Variants in MYBPC1 observed in about 807,000 individuals in gnomAD.
The protein encoded by MYBPC1 is myosin-binding protein C, slow-type.
In MYBPC1, 52 loss-of-function variants were observed where a neutral mutation model predicts 147.1. The observed-to-expected ratio is 0.35, with a 90% CI of 0.28 to 0.45. The LOEUF is 0.45. Ranked by LOEUF, MYBPC1 falls within the 20% of genes least tolerant of loss-of-function variation. The pLI is 1.00. For synonymous variants in MYBPC1, 477 were observed against 475.9 expected (o/e 1.00, Z -0.03); for missense variants, 1,228 against 1,440.3 (o/e 0.85, Z 2.39).
chr12:101,626,825 G>GA (rs1451919462), intron 3 of MYBPC1, 47 bp from the exon 4 acceptor site: 10 of 1,477,670 alleles, frequency 6.8e-6, no homozygotes, highest in Non-Finnish European at 9.5e-6. Context: ...GGTTACTTGG[G>GA]ATGAAGTCTT....
At chr12:101,693,482 T>C in the MYBPC1 span, among the ~76,000 whole-genome samples, 1 of 152,176 alleles carries the variant, frequency 6.6e-6, no homozygotes, top group Non-Finnish European at 1.5e-5. Context: ...GGCTCACACC[T>C]GTAGTCCCAG....
chr12:101,611,616 T>C (rs1269160037), intron 1 of MYBPC1, among the ~76,000 whole-genome samples: 1 of 152,162 alleles, frequency 6.6e-6, no homozygotes, highest in Non-Finnish European at 1.5e-5. Context: ...TAAAATGAGA[T>C]ACCAGGGAGA....
chr12:101,691,786 A>C, the MYBPC1 span, among the ~76,000 whole-genome samples: 1 of 152,148 alleles, frequency 6.6e-6, no homozygotes, highest in Non-Finnish European at 1.5e-5. Flanking sequence ...TAAAATACAT[A>C]TTTTTTAAAT....
intron 1 of MYBPC1, among the ~76,000 whole-genome samples, chr12:101,596,769 C>T (rs1877408926): frequency 6.9e-6 from 1 of 145,664 alleles, no homozygotes. Context: ...TCAGCCCCCA[C>T]CCCCCCAATA....
chr12:101,665,294 T>C (rs1369276568), intron 22 of MYBPC1, among the ~76,000 whole-genome samples: 1 of 152,196 alleles, frequency 6.6e-6, no homozygotes, highest in African/African-American at 2.4e-5. Context: ...GTGTATCTCT[T>C]TCTTCTTGCA....
rs1330333145 is a variant in MYBPC1, at chr12:101,670,351, T to G, written c.2555T>G (p.Leu852Arg). Residue 852 changes from leucine (L) to arginine (R), a missense_variant, in exon 24 of 32, where the codon CTG becomes CGG. Around this residue, in one of 2 missense-constraint regions of MYBPC1, gnomAD observed 1,077 missense variants for 1,314.2 expected, o/e 0.82. Coordinates refer to ENST00000361466, the MANE Select transcript of MYBPC1 (RefSeq NM_002465.4). ...EPPKIRIPRHLKQTYIRRVGE... is the reference protein window; with the variant it reads ...EPPKIRIPRHRKQTYIRRVGE... ...CCAAAGATTCGCATTCCAAGACACC[T>G]GAAGCAAACCTATATCCGCAGAGTT... The G allele has an allele frequency of 3.7e-6, 6 of 1,614,132 alleles. No individual in the cohort carries two copies. In the Admixed American group the frequency reaches 1.0e-4, roughly 27 times the overall value.
At chr12:101,654,624 A>C (rs1251670079) in intron 18 of MYBPC1, among the ~76,000 whole-genome samples, 2 of 152,204 alleles carry the variant, frequency 1.3e-5, no homozygotes, top group South Asian at 2.1e-4. Flanking sequence ...GGAGCTCTGC[A>C]GAGGAACACG....
intron 15 of MYBPC1, chr12:101,650,781 C>T (rs1894277373): frequency 4.4e-6 from 1 of 229,782 alleles, no homozygotes; most frequent in Admixed American, 5.2e-5. Context: ...ATAAATATGG[C>T]ACTTAATGTT....
At chr12:101,622,406 TA>T (rs1370928706) in intron 3 of MYBPC1, among the ~76,000 whole-genome samples, 1 of 151,780 alleles carries the variant, frequency 6.6e-6, no homozygotes, top group African/African-American at 2.4e-5. Context: ...TTTCCCAATC[TA>T]AAAAAAAGTG....
At chr12:101,642,811 C>T (rs1593849528) in intron 11 of MYBPC1, among the ~76,000 whole-genome samples, 1 of 152,106 alleles carries the variant, frequency 6.6e-6, no homozygotes, top group Admixed American at 6.5e-5. Context: ...ACATTACCCC[C>T]GCGGTTACTG....
intron 3 of MYBPC1, among the ~76,000 whole-genome samples, chr12:101,617,565 A>C (rs755577744): frequency 1.3e-5 from 2 of 151,744 alleles, no homozygotes; most frequent in Non-Finnish European, 2.9e-5. Flanking sequence ...GGATTATATC[A>C]ATTGGGAAAA....
intron 1 of MYBPC1, among the ~76,000 whole-genome samples, chr12:101,609,121 G>C (rs1883338437): frequency 6.6e-6 from 1 of 152,072 alleles, no homozygotes; most frequent in African/African-American, 2.4e-5. Flanking sequence ...GAGAAGAAAA[G>C]TCCCCATCTA....
At chr12:101,649,197 T>G in intron 14 of MYBPC1, 63 bp from the exon 15 acceptor site, 4 of 1,447,586 alleles carry the variant, frequency 2.8e-6, no homozygotes, top group Non-Finnish European at 3.8e-6. Context: ...ATAAGCAAGA[T>G]GGACAAGGTA....
chr12:101,649,283 T>C lies in MYBPC1; in HGVS notation c.1220T>C (p.Ile407Thr), dbSNP rs1893895578. 2 of 1,613,584 alleles carry C rather than the reference T, an allele frequency of 1.2e-6. No individual in the cohort carries two copies. Among genetic ancestry groups the C allele is most frequent in the Non-Finnish European group, 1.7e-6 (2 of 1,179,666 alleles). Residue 407 changes from isoleucine to threonine, a missense_variant, in exon 15 of 32, where the codon ATC becomes ACC. Physicochemically the swap from Ile to Thr is moderately conservative, Grantham distance 89. Transcript: ENST00000361466. ...AGGTTTAAGAATGGTGAAGAGATTATCCCTGGTCCAAAATCAAGATACCGA... is the reference window on the plus strand; with the variant it reads ...AGGTTTAAGAATGGTGAAGAGATTACCCCTGGTCCAAAATCAAGATACCGA... Reference protein sequence around the residue: ...VKWFKNGEEIIPGPKSRYRIR... With the variant: ...VKWFKNGEEITPGPKSRYRIR...
At chr12:101,678,267 A>G in intron 28 of MYBPC1, 29 bp downstream of exon 28, 1 of 1,612,106 alleles carries the variant, frequency 6.2e-7, no homozygotes, top group Non-Finnish European at 8.5e-7. Flanking sequence ...ACATCAGTTA[A>G]AGTCCCTGTC....
chr12:101,689,673 A>C (rs141772601), downstream of MYBPC1, among the ~76,000 whole-genome samples: 305 of 152,348 alleles, frequency 2.0e-3, 1 homozygote, highest in African/African-American at 6.9e-3. Context: ...TAAGGTATTC[A>C]TCATGGAATT....
In MYBPC1 at chr12:101,673,494, T is replaced by A; in HGVS notation, c.2681T>A (p.Ile894Asn). The A allele has an allele frequency of 1.9e-6, 3 of 1,614,026 alleles. No individual in the cohort carries two copies. In the South Asian group the frequency reaches 3.3e-5, roughly 18 times the overall value. The change falls in exon 25 of 32, where the codon ATT becomes AAT. Residue 894 changes from isoleucine to asparagine, a missense_variant. Transcript: ENST00000361466. ...GAEIDKNQIN[I>N]RNSETDTIIF... Reference sequence around the variant, plus strand: ...GAAATTGATAAGAATCAAATAAACATTCGCAACTCTGAGACTGATACAATC... The same window carrying A: ...GAAATTGATAAGAATCAAATAAACAATCGCAACTCTGAGACTGATACAATC...
downstream of MYBPC1, among the ~76,000 whole-genome samples, chr12:101,690,042 G>A (rs887289255): frequency 3.9e-5 from 6 of 152,194 alleles, no homozygotes; most frequent in Non-Finnish European, 7.3e-5. Flanking sequence ...AGGCGTGGTG[G>A]CGCGTGCCTG....
chr12:101,661,384 A>T, intron 20 of MYBPC1, 122 bp downstream of exon 20: 1 of 682,520 alleles, frequency 1.5e-6, no homozygotes, highest in Non-Finnish European at 2.7e-6. Flanking sequence ...CTGTGACTTT[A>T]TGCATTCAAA....
Sources: gnomAD v4.1 joint callset for allele counts (sites outside exome capture counted in the v4.1 genomes callset) on GRCh38, gnomAD v4.1.1 for gene constraint, gnomAD v4.1.1 regional missense constraint, MANE v1.5 for transcripts, NCBI Gene and HGNC (gene_info 2026-07-23, HGNC 2026-07-21) for gene names.